CHRD: variants seen among roughly 807,000 people sequenced by gnomAD.
CHRD encodes the protein chordin.
Under a neutral mutation model 113.7 loss-of-function variants are expected in CHRD, and 69 were observed. The observed-to-expected ratio is 0.61, with a 90% CI of 0.50 to 0.74. The LOEUF (loss-of-function observed/expected upper bound fraction) is 0.74, where lower values mean the gene tolerates loss of function less well. Ranked by LOEUF, CHRD falls within the 30% of genes least tolerant of loss-of-function variation. CHRD has a pLI of 0.00. For synonymous variants in CHRD, 561 were observed against 540.8 expected (o/e 1.04, Z -0.52); for missense variants, 1,194 against 1,295.8 (o/e 0.92, Z 1.21).
chr3:184,380,086 C>T lies in CHRD; in HGVS notation c.-233C>T, dbSNP rs1577374055. The T allele has an allele frequency of 6.9e-6, 1 of 144,960 alleles. No individual in the cohort carries two copies. The highest frequency in any genetic ancestry group is 1.5e-5 in the Non-Finnish European group (1 of 65,062). The allele number at this position is 144,960 out of a possible 1,614,324, so 9.0% of individuals were successfully genotyped here. On this transcript the variant is annotated 5_prime_UTR_variant, in exon 1 of 23. Transcript: ENST00000204604. The surrounding 1 kb of genome is among the most constrained non-coding windows in gnomAD (Gnocchi z 6.3). ...AGCCGCGTACGGCCCGGGTCAGCGCCCGCCCGCCCGCGCTCCTCCCGGCCG... is the reference window on the plus strand; with the variant it reads ...AGCCGCGTACGGCCCGGGTCAGCGCTCGCCCGCCCGCGCTCCTCCCGGCCG...
chr3:184,385,945 A>T, intron 14 of CHRD, 101 bp from the exon 15 acceptor site: 1 of 1,259,100 alleles, frequency 7.9e-7, no homozygotes, highest in Non-Finnish European at 1.2e-6. Flanking sequence ...TGAAGACTTT[A>T]TTTAACCTCC....
Position 184,384,592 on chromosome 3 carries a change from A to G in CHRD, c.1496A>G (p.Asn499Ser), listed in dbSNP as rs1158595403. 3.1e-6 allele frequency: 5 copies of G among 1,608,172 alleles called. No homozygotes were observed. The highest frequency in any genetic ancestry group is 1.7e-4 in the Middle Eastern group (1 of 5,986). Residue 499 changes from asparagine to serine, a missense_variant, in exon 13 of 23, where the codon AAT becomes AGT. Physicochemically the swap from Asn to Ser is conservative, Grantham distance 46. Transcript: ENST00000204604. The surrounding 1 kb of genome is among the most constrained non-coding windows in gnomAD (Gnocchi z 4.4). The stretch of plus-strand genomic sequence containing the variant: ...CGAGGGGCTCATATGCTGCTGCAGA[A>G]TGAGCTCTTCCTGAACGTGGGCACC...
intron 14 of CHRD, 100 bp from the exon 15 acceptor site, chr3:184,385,946 T>A: frequency 7.9e-7 from 1 of 1,267,430 alleles, no homozygotes; most frequent in Non-Finnish European, 1.1e-6. Flanking sequence ...GAAGACTTTA[T>A]TTAACCTCCC....
chr3:184,380,599 C>A lies in CHRD; in HGVS notation c.149-93C>A. The A allele has an allele frequency of 2.6e-6, 3 of 1,139,422 alleles. No individual in the cohort carries two copies. Among genetic ancestry groups the A allele is most frequent in the Non-Finnish European group, 3.4e-6 (3 of 885,900 alleles). 70.6% of individuals were successfully genotyped at this position (1,139,422 alleles called of 1,614,324 possible). The stretch of plus-strand genomic sequence containing the variant: ...CGGAGGGTGGGCGGGGGCAGAAGGG[C>A]GCGGTGCCTGGGACCCGGGACCCGC... On this transcript the variant is annotated intron_variant, in intron 1 of 22. Coordinates refer to ENST00000204604, the Ensembl canonical transcript of CHRD. The surrounding 1 kb of genome is among the most constrained non-coding windows in gnomAD (Gnocchi z 6.3).
Position 184,380,577 on chromosome 3 carries a change from AGGGTGGGCGG to A in CHRD, c.149-111_149-102del. 3 of 1,032,328 alleles carry A rather than the reference AGGGTGGGCGG, an allele frequency of 2.9e-6. No homozygotes were observed. The highest frequency in any genetic ancestry group is 2.4e-6 in the Non-Finnish European group (2 of 825,706). 63.9% of individuals were successfully genotyped at this position (1,032,328 alleles called of 1,614,324 possible). Reference sequence around the variant, plus strand: ...TGGCTCGGCGCGGCGGGCGGCCCGGAGGGTGGGCGGGGGCAGAAGGGCGCGGTGCCTGGGA... The same window carrying A: ...TGGCTCGGCGCGGCGGGCGGCCCGGAGGGCAGAAGGGCGCGGTGCCTGGGA... On this transcript the variant is annotated intron_variant, in intron 1 of 22. Coordinates refer to ENST00000204604, the Ensembl canonical transcript of CHRD. This position sits in a 1 kb window ranked among gnomAD's most constrained non-coding sequence, Gnocchi z 6.3.
Position 184,388,988 on chromosome 3 carries a change from C to A in CHRD, c.2805C>A (p.His935Gln), listed in dbSNP as rs1716806229. Residue 935 changes from histidine to glutamine, a missense_variant, in exon 22 of 23, where the codon CAC becomes CAA. Physicochemically the swap from His to Gln is conservative, Grantham distance 24 (BLOSUM62 0). Coordinates refer to ENST00000204604, the Ensembl canonical transcript of CHRD. The surrounding 1 kb of genome is among the most constrained non-coding windows in gnomAD (Gnocchi z 6.1). ...GATGCTGTTCCCGCTGCACGGCCCA[C>A]CGGCGGCGTAAGTGAGGGAGTCCAG... is the stretch of plus-strand genomic sequence containing the variant. 1 of 1,609,512 alleles carries A rather than the reference C, an allele frequency of 6.2e-7. No homozygotes were observed. The highest frequency in any genetic ancestry group is 8.5e-7 in the Non-Finnish European group (1 of 1,178,864).
chr3:184,389,470 G>A (rs754611749), exon 23 of CHRD: 1 of 1,569,610 alleles, frequency 6.4e-7, no homozygotes, highest in South Asian at 1.1e-5. Context: ...CCTGAGCTGG[G>A]GAAGGGGTGG....
rs565329859 is a variant in CHRD at position 184,388,702 on chromosome 3, C to T, written c.2670C>T (p.Pro890=). The change falls in exon 21 of 23, where the codon CCC becomes CCT. Residue 890 remains proline, a synonymous_variant. Coordinates refer to ENST00000204604, the Ensembl canonical transcript of CHRD. This position sits in a 1 kb window ranked among gnomAD's most constrained non-coding sequence, Gnocchi z 6.1. ...GTCAGAGCTGGCACCCCTCAGTGCC[C>T]CCTTTTGGAGAGATGAGCTGTATCA... 1.1e-5 allele frequency: 17 copies of T among 1,614,010 alleles called. No individual in the cohort carries two copies. The South Asian group carries it at 1.6e-4, about 16-fold the overall frequency.
exon 17 of CHRD, chr3:184,386,938 G>A (rs143678632): frequency 3.3e-5 from 54 of 1,614,098 alleles, no homozygotes; most frequent in Admixed American, 5.0e-5. Flanking sequence ...TGTTTGCCCT[G>A]GTGAGTTCCC....
chr3:184,388,529 T>C lies in CHRD; in HGVS notation c.2555-58T>C. On this transcript the variant is annotated intron_variant, in intron 20 of 22. Coordinates refer to ENST00000204604, the Ensembl canonical transcript of CHRD. The surrounding 1 kb of genome is among the most constrained non-coding windows in gnomAD (Gnocchi z 6.1). Reference sequence around the variant, plus strand: ...CAACGTGCTGGGTATTCAAAGAGAATACTCATAAAACCTTGTTGGTCCTCC... The same window carrying C: ...CAACGTGCTGGGTATTCAAAGAGAACACTCATAAAACCTTGTTGGTCCTCC... 1 of 1,548,620 alleles carries C rather than the reference T, an allele frequency of 6.5e-7. No individual in the cohort carries two copies. Among genetic ancestry groups the C allele is most frequent in the Non-Finnish European group, 8.7e-7 (1 of 1,152,770 alleles).
At chr3:184,383,831 C>T (rs1171437028) in intron 12 of CHRD, among the ~76,000 whole-genome samples, 189 bp downstream of exon 12, 6 of 139,154 alleles carry the variant, frequency 4.3e-5, no homozygotes, top group Admixed American at 3.2e-4. Flanking sequence ...GGCTGGAGTG[C>T]AGTGGTGTGA....
exon 16 of CHRD, chr3:184,386,686 G>A (rs759393188): frequency 7.4e-6 from 12 of 1,612,410 alleles, no homozygotes; most frequent in East Asian, 2.2e-5. Context: ...TCTTCGAGGG[G>A]CAGCAGCGCC....
Position 184,387,373 on chromosome 3 carries a change from G to C in CHRD, c.2348-1G>C. 1 of 1,608,726 alleles carries C rather than the reference G, an allele frequency of 6.2e-7. No individual in the cohort carries two copies. Reference sequence around the variant, plus strand: ...GGCTGCTGGGCCCTGTTCCCCACCAGGCTGCTATTTTGATGGTGACCGGAG... The same window carrying C: ...GGCTGCTGGGCCCTGTTCCCCACCACGCTGCTATTTTGATGGTGACCGGAG... On this transcript the variant is annotated splice_acceptor_variant, in intron 18 of 22. Coordinates refer to ENST00000204604, the Ensembl canonical transcript of CHRD. LOFTEE classifies it high-confidence loss of function. The surrounding 1 kb of genome is among the most constrained non-coding windows in gnomAD (Gnocchi z 6.1).
chr3:184,387,147 G>A lies in CHRD; in HGVS notation c.2347+40G>A. The A allele has an allele frequency of 1.3e-6, 2 of 1,582,736 alleles. No homozygotes were observed. The highest frequency in any genetic ancestry group is 1.7e-6 in the Non-Finnish European group (2 of 1,151,544). On this transcript the variant is annotated intron_variant, in intron 18 of 22. Coordinates refer to ENST00000204604, the Ensembl canonical transcript of CHRD. The surrounding 1 kb of genome is among the most constrained non-coding windows in gnomAD (Gnocchi z 6.1). ...TGCGTGCAGGGTGGGAGGCCCCAGA[G>A]GAGCCATTAGGTTGAACCAGGAGGG...
Position 184,380,615 on chromosome 3 carries a change from C to A in CHRD, c.149-77C>A. 8.0e-7 allele frequency: 1 copy of A among 1,242,672 alleles called. No individual in the cohort carries two copies. Among genetic ancestry groups the A allele is most frequent in the East Asian group, 3.3e-5 (1 of 30,326 alleles). 77.0% of individuals were successfully genotyped at this position (1,242,672 alleles called of 1,614,324 possible). ...GCAGAAGGGCGCGGTGCCTGGGACC[C>A]GGGACCCGCGGGCAGCCCCCGGGGC... On this transcript the variant is annotated intron_variant, in intron 1 of 22. Transcript: ENST00000204604. This position sits in a 1 kb window ranked among gnomAD's most constrained non-coding sequence, Gnocchi z 6.3.
chr3:184,382,107 C>T, intron 6 of CHRD, 87 bp downstream of exon 6: 2 of 1,532,430 alleles, frequency 1.3e-6, no homozygotes, highest in South Asian at 1.1e-5. Flanking sequence ...GTCCTCACCA[C>T]AGCCCAGTGG....
At position 184,388,722 on chromosome 3, in the gene CHRD, G is replaced by A. The variant is rs1716767402; in HGVS notation, c.2690G>A (p.Cys897Tyr). Residue 897 changes from cysteine (C) to tyrosine (Y), a missense_variant, in exon 21 of 23, where the codon TGT becomes TAT. Coordinates refer to ENST00000204604, the Ensembl canonical transcript of CHRD. The surrounding 1 kb of genome is among the most constrained non-coding windows in gnomAD (Gnocchi z 6.1). ...GTGCCCCCTTTTGGAGAGATGAGCTGTATCACCTGCAGATGTGGGGTAAGT... is the reference window on the plus strand; with the variant it reads ...GTGCCCCCTTTTGGAGAGATGAGCTATATCACCTGCAGATGTGGGGTAAGT... 6.2e-7 allele frequency: 1 copy of A among 1,613,930 alleles called. No homozygotes were observed. The highest frequency in any genetic ancestry group is 8.5e-7 in the Non-Finnish European group (1 of 1,180,026).
chr3:184,387,014 G>T lies in CHRD; in HGVS notation c.2291-37G>T, dbSNP rs911294256. On this transcript the variant is annotated intron_variant, in intron 17 of 22. Transcript: ENST00000204604. This position sits in a 1 kb window ranked among gnomAD's most constrained non-coding sequence, Gnocchi z 6.1. ...GTCCTTTGGGGAGGGAATGAGGGTG[G>T]TCACTCTCTGCTTTCACCATTTCTT... 2 of 1,613,726 alleles carry T rather than the reference G, an allele frequency of 1.2e-6. No homozygotes were observed. The highest frequency in any genetic ancestry group is 1.3e-5 in the African/African-American group (1 of 74,928).
chr3:184,385,991 A>G, intron 14 of CHRD, 55 bp from the exon 15 acceptor site: 7 of 1,562,994 alleles, frequency 4.5e-6, no homozygotes, highest in Non-Finnish European at 6.2e-6. Flanking sequence ...AACTGGGGAC[A>G]GTAGGCTCAG....
Sources: gnomAD v4.1 joint callset for allele counts (sites outside exome capture counted in the v4.1 genomes callset) on GRCh38, gnomAD v4.1.1 for gene constraint, Gnocchi (gnomAD v3.1) non-coding constraint, MANE v1.5 for transcripts, NCBI Gene and HGNC (gene_info 2026-07-23, HGNC 2026-07-21) for gene names.